Variants in WWOX observed in about 807,000 individuals in gnomAD.
WWOX encodes the protein WW domain-containing oxidoreductase.
In WWOX, 69 loss-of-function variants were observed where a neutral mutation model predicts 46.2. The observed-to-expected ratio is 1.49, with a 90% CI of 1.23 to 1.82. The LOEUF is 1.82. Ranked by LOEUF, WWOX falls within the 40% of genes most tolerant of loss-of-function variation. The probability of loss-of-function intolerance (pLI) is 0.00; values close to 1 mark genes in which losing one functional copy is unlikely to be tolerated. For synonymous variants in WWOX, 359 were observed against 202.6 expected (o/e 1.77, Z -6.56); for missense variants, 919 against 542.6 (o/e 1.69, Z -6.89).
At chr16:78,363,455 AT>A (rs1292958058) in intron 5 of WWOX, among the ~76,000 whole-genome samples, 1 of 127,860 alleles carries the variant, frequency 7.8e-6, no homozygotes, top group South Asian at 2.6e-4. Flanking sequence ...TTAAAAAAAA[AT>A]TTTGTAGTGA....
chr16:79,032,094 T>G (rs2550695), intron 8 of WWOX, among the ~76,000 whole-genome samples: 22,675 of 144,214 alleles, frequency 0.16, 2,077 homozygotes, highest in African/African-American at 0.25. Context: ...ATATATATTA[T>G]GTATAGATAA....
At chr16:78,430,425 C>G (rs1338435375) in intron 7 of WWOX, among the ~76,000 whole-genome samples, 1 of 152,258 alleles carries the variant, frequency 6.6e-6, no homozygotes, top group South Asian at 2.1e-4. Flanking sequence ...GCACTACCCA[C>G]CTGGAAATTC....
At chr16:79,166,149 G>A (rs1054419569) in intron 8 of WWOX, among the ~76,000 whole-genome samples, 3 of 152,114 alleles carry the variant, frequency 2.0e-5, no homozygotes, top group Non-Finnish European at 4.4e-5. Flanking sequence ...TTTTTTAATA[G>A]TGCAAACAAA....
chr16:78,261,366 C>T (rs2079229948), intron 5 of WWOX, among the ~76,000 whole-genome samples: 1 of 150,530 alleles, frequency 6.6e-6, no homozygotes, highest in South Asian at 2.1e-4. Flanking sequence ...GATTGCACCA[C>T]TGCATTCTAG....
intron 2 of WWOX, 64 bp from the exon 3 acceptor site, chr16:78,109,714 C>G: frequency 1.3e-6 from 2 of 1,587,424 alleles, no homozygotes; most frequent in South Asian, 2.2e-5. Context: ...TCCTTCCCTT[C>G]CTGACCCAGG....
chr16:79,196,692 T>C (rs550371412), intron 8 of WWOX, among the ~76,000 whole-genome samples: 2 of 152,036 alleles, frequency 1.3e-5, no homozygotes, highest in South Asian at 4.2e-4. Context: ...CCCCAGGGAT[T>C]CAGATCCTGT....
chr16:78,480,711 G>A (rs2084464683), intron 8 of WWOX, among the ~76,000 whole-genome samples: 1 of 152,240 alleles, frequency 6.6e-6, no homozygotes, highest in African/African-American at 2.4e-5. Context: ...ATTGTGTGCA[G>A]TATGCAGTAC....
chr16:78,412,986 C>T (rs574734203), intron 6 of WWOX, among the ~76,000 whole-genome samples: 2 of 151,830 alleles, frequency 1.3e-5, no homozygotes, highest in African/African-American at 2.4e-5. Context: ...TTTTCCTTAC[C>T]TGATGGTCAG....
intron 5 of WWOX, among the ~76,000 whole-genome samples, chr16:78,377,865 C>T (rs755988576): frequency 4.6e-5 from 7 of 152,082 alleles, no homozygotes; most frequent in Admixed American, 2.0e-4. Context: ...TTAGAATTAC[C>T]TATAGATATT....
chr16:78,828,065 G>A (rs74958877), intron 8 of WWOX, among the ~76,000 whole-genome samples: 1 of 152,060 alleles, frequency 6.6e-6, no homozygotes, highest in Admixed American at 6.5e-5. Flanking sequence ...TGGGAGCCCT[G>A]GTGTGTCTAT....
At chr16:78,348,168 A>G (rs2081124662) in intron 5 of WWOX, among the ~76,000 whole-genome samples, 1 of 122,192 alleles carries the variant, frequency 8.2e-6, no homozygotes, top group South Asian at 2.4e-4. Flanking sequence ...ACATGAAAAT[A>G]CCTTTGCTTC....
At chr16:78,968,293 C>G (rs1323076781) in intron 8 of WWOX, among the ~76,000 whole-genome samples, 2 of 152,214 alleles carry the variant, frequency 1.3e-5, no homozygotes, top group Non-Finnish European at 2.9e-5. Flanking sequence ...ATAGTCCTAC[C>G]CGTAGGAATC....
chr16:78,843,712 A>C (rs966133065), intron 8 of WWOX, among the ~76,000 whole-genome samples: 1 of 152,254 alleles, frequency 6.6e-6, no homozygotes, highest in Non-Finnish European at 1.5e-5. Context: ...TGTATCATTA[A>C]GTAAGTCCAC....
At chr16:78,661,517 T>A (rs1002946153) in intron 8 of WWOX, among the ~76,000 whole-genome samples, 1 of 152,172 alleles carries the variant, frequency 6.6e-6, no homozygotes, top group African/African-American at 2.4e-5. Context: ...TTATTAAACA[T>A]TTATGATTTA....
chr16:78,632,557 A>ATTTTTTTTTTTTTTTTTTTTTT lies in WWOX; in HGVS notation c.1056+199826_1056+199827insTTTTTTTTTTTTTTTTTTTTTT, dbSNP rs545062752. ...CTCTCTTCCCCCACTTACTTGGCCA[A>ATTTTTTTTTTTTTTTTTTTTTT]TTTTTTTTTTTTTTTTTTTTTGGTG... On this transcript the variant is annotated intron_variant, in intron 8 of 8. Coordinates refer to ENST00000566780, the MANE Select transcript of WWOX (RefSeq NM_016373.4). Among the ~76,000 whole-genome samples, 4 of 74,758 alleles carry ATTTTTTTTTTTTTTTTTTTTTT rather than the reference A, an allele frequency of 5.4e-5. 2 individuals are homozygous for ATTTTTTTTTTTTTTTTTTTTTT. 49.0% of individuals were successfully genotyped at this position (74,758 alleles called of 152,430 possible). A position where few individuals can be genotyped will look rare whatever the true frequency, so the allele number is the denominator to read the frequency against.
chr16:78,445,601 G>A lies in WWOX; in HGVS notation c.1056+12849G>A, dbSNP rs544578374. 2.6e-3 allele frequency among the ~76,000 whole-genome samples: 403 copies of A among 152,162 alleles called. 1 individual carries two copies. The highest frequency in any genetic ancestry group is 9.3e-3 in the African/African-American group (387 of 41,510). On this transcript the variant is annotated intron_variant, in intron 8 of 8. Coordinates refer to ENST00000566780, the MANE Select transcript of WWOX (RefSeq NM_016373.4). ...AGAAAGAAATAATATGATCACCTTC[G>A]GTTAGTAAACAAAACAAATAGGCAA...
chr16:78,333,589 A>G (rs1414184029), intron 5 of WWOX, among the ~76,000 whole-genome samples: 2 of 152,206 alleles, frequency 1.3e-5, no homozygotes, highest in African/African-American at 2.4e-5. Flanking sequence ...ACATGCATAT[A>G]TACATAAACA....
rs7190925 is a variant in WWOX, at chr16:78,535,972, C to G, written c.1056+103220C>G. ...TTCGTTGCATAGCACCTGATACACA[C>G]AAAGCTTTCAGGCAAGGTTAGTTTC... On this transcript the variant is annotated intron_variant, in intron 8 of 8. Transcript: ENST00000566780. 1.8e-3 allele frequency among the ~76,000 whole-genome samples: 269 copies of G among 152,264 alleles called. 1 individual carries two copies. Among genetic ancestry groups the G allele is most frequent in the African/African-American group, 6.0e-3 (250 of 41,546 alleles).
At chr16:79,002,850 A>T (rs879792181) in intron 8 of WWOX, among the ~76,000 whole-genome samples, 1 of 152,216 alleles carries the variant, frequency 6.6e-6, no homozygotes, top group East Asian at 1.9e-4. Flanking sequence ...CCTCTTCGAG[A>T]TGCTGATTTG....
Sources: allele counts gnomAD v4.1 joint callset (sites outside exome capture counted in the v4.1 genomes callset), GRCh38; gene constraint gnomAD v4.1.1; transcripts MANE v1.5; gene names NCBI Gene and HGNC (gene_info 2026-07-23, HGNC 2026-07-21).